RGL2: variants seen among roughly 807,000 people sequenced by gnomAD.
The protein encoded by RGL2 is ral guanine nucleotide dissociation stimulator-like 2.
A neutral mutation model predicts 84.6 loss-of-function variants in RGL2; 40 were observed. The ratio of observed to expected loss-of-function variants is 0.47; its 90% CI spans 0.37 to 0.62. The LOEUF is 0.62. Among genes scored for constraint, RGL2 ranks in the 20% least tolerant of loss-of-function variants. RGL2 has a pLI of 0.00. For missense variants in RGL2, 865 were observed against 1,019.7 expected (o/e 0.85, Z 2.07); for synonymous variants, 369 against 417.3 (o/e 0.88, Z 1.41).
chr6:33,292,743 G>A (rs1220317193), intron 16 of RGL2, among the ~76,000 whole-genome samples, 199 bp from the exon 17 acceptor site: 1 of 152,162 alleles, frequency 6.6e-6, no homozygotes, highest in African/African-American at 2.4e-5. Context: ...TTCCCTGTGG[G>A]GAAACTGCTG....
chr6:33,292,156 G>A lies in RGL2; in HGVS notation c.2280C>T (p.Gly760=), dbSNP rs765065404. ...CTGTGGCCTTGATCCTGGGAAAGGA[G>A]CCCCCTCCTCCCTCACTCGGAGGAG... ...SGTPPSEGGG[G]SFPRIKATGR... The change falls in exon 18 of 18, where the codon GGC becomes GGT. Residue 760 remains glycine, a synonymous_variant. Transcript: ENST00000497454. 9.9e-6 allele frequency: 16 copies of A among 1,614,072 alleles called. No homozygotes were observed. Among genetic ancestry groups the A allele is most frequent in the Non-Finnish European group, 1.3e-5 (15 of 1,180,052 alleles).
At chr6:33,300,980 A>AG (rs1345747179), upstream of RGL2, 1 of 152,164 alleles carries the variant, frequency 6.6e-6, no homozygotes, top group Non-Finnish European at 1.5e-5. Flanking sequence ...AAAAAAAAAA[A>AG]AAAGTTTTTT....
Position 33,294,553 on chromosome 6 carries a change from C to T in RGL2, c.1353+135G>A. 1 of 876,860 alleles carries T rather than the reference C, an allele frequency of 1.1e-6. No homozygotes were observed. Among genetic ancestry groups the T allele is most frequent in the Non-Finnish European group, 1.8e-6 (1 of 563,460 alleles). 54.3% of individuals were successfully genotyped at this position (876,860 alleles called of 1,614,324 possible). A position where few individuals can be genotyped will look rare whatever the true frequency, so the allele number is the denominator to read the frequency against. Reference sequence around the variant, plus strand: ...TTTACAGATCACTGAGGCGACTTGGCACAGAAACAGATCTGGCTCTGTCCC... The same window carrying T: ...TTTACAGATCACTGAGGCGACTTGGTACAGAAACAGATCTGGCTCTGTCCC... On this transcript the variant is annotated intron_variant, in intron 11 of 17. Transcript: ENST00000497454. This position sits in a 1 kb window ranked among gnomAD's most constrained non-coding sequence, Gnocchi z 5.0.
Position 33,296,100 on chromosome 6 carries a change from G to C in RGL2, c.696C>G (p.Pro232=). The C allele has an allele frequency of 2.5e-6, 4 of 1,614,054 alleles. No homozygotes were observed. Among genetic ancestry groups the C allele is most frequent in the Non-Finnish European group, 3.4e-6 (4 of 1,180,010 alleles). The part of the protein sequence containing the change: ...LPKPLALPGD[P]PADPTDVLVF... The stretch of plus-strand genomic sequence containing the variant: ...CCAGGACATCCGTGGGGTCAGCAGG[G>C]GGATCGCCGGGGAGGGCCAGGGGCT... The change falls in exon 6 of 18, where the codon CCC becomes CCG. Residue 232 remains proline, a synonymous_variant. Coordinates refer to ENST00000497454, the MANE Select transcript of RGL2 (RefSeq NM_004761.5). The surrounding 1 kb of genome is among the most constrained non-coding windows in gnomAD (Gnocchi z 5.0).
chr6:33,294,014 AG>A lies in RGL2; in HGVS notation c.1386+19del. On this transcript the variant is annotated intron_variant, in intron 12 of 17. Coordinates refer to ENST00000497454, the MANE Select transcript of RGL2 (RefSeq NM_004761.5). This position sits in a 1 kb window ranked among gnomAD's most constrained non-coding sequence, Gnocchi z 5.0. ...ACATGGATAGGGAAGTCCAGCATCC[AG>A]CCCAGACACTCCGCTCACCTTCCTC... The A allele has an allele frequency of 6.2e-7, 1 of 1,613,916 alleles. No homozygotes were observed. Among genetic ancestry groups the A allele is most frequent in the Non-Finnish European group, 8.5e-7 (1 of 1,179,986 alleles).
chr6:33,292,094 C>T lies in RGL2; in HGVS notation c.*8G>A. On this transcript the variant is annotated 3_prime_UTR_variant, in exon 18 of 18. Coordinates refer to ENST00000497454, the MANE Select transcript of RGL2 (RefSeq NM_004761.5). Reference sequence around the variant, plus strand: ...CCATGACTTCTGTAAGCCAACGGGGCTTCCTCCTCAGAACAGTGCCCGTGC... The same window carrying T: ...CCATGACTTCTGTAAGCCAACGGGGTTTCCTCCTCAGAACAGTGCCCGTGC... 3 of 1,614,094 alleles carry T rather than the reference C, an allele frequency of 1.9e-6. No individual in the cohort carries two copies. Among genetic ancestry groups the T allele is most frequent in the Non-Finnish European group, 1.7e-6 (2 of 1,179,994 alleles).
At chr6:33,299,694 T>C (rs1292630921), upstream of RGL2, 6 of 152,150 alleles carry the variant, frequency 3.9e-5, no homozygotes, top group Admixed American at 3.9e-4. The surrounding 1 kb of genome is among the most constrained non-coding windows in gnomAD (Gnocchi z 5.0). Context: ...GAGAGAACCG[T>C]TTGGAAGCAC....
chr6:33,296,150 C>T lies in RGL2; in HGVS notation c.646G>A (p.Asp216Asn), dbSNP rs770144701. The stretch of plus-strand genomic sequence containing the variant: ...TTAGGAAGGTCGGGGGCCTGGGGGT[C>T]CACCCGGGACCGGAGATTGCGGATG... ...DLIRNLRSRVDPQAPDLPKPL... is the reference protein window; with the variant it reads ...DLIRNLRSRVNPQAPDLPKPL... The change falls in exon 6 of 18, where the codon GAC becomes AAC. Residue 216 changes from aspartate to asparagine, a missense_variant. Physicochemically the swap from Asp to Asn is conservative, Grantham distance 23. Transcript: ENST00000497454. This position sits in a 1 kb window ranked among gnomAD's most constrained non-coding sequence, Gnocchi z 5.0. 8 of 1,613,894 alleles carry T rather than the reference C, an allele frequency of 5.0e-6. No individual in the cohort carries two copies. In the Admixed American group the frequency reaches 1.3e-4, roughly 27 times the overall value.
rs374487579 is a variant in RGL2, at chr6:33,292,062, A to G, written c.*40T>C. 15 of 1,604,400 alleles carry G rather than the reference A, an allele frequency of 9.3e-6. No individual in the cohort carries two copies. Among genetic ancestry groups the G allele is most frequent in the African/African-American group, 1.3e-5 (1 of 74,714 alleles). ...TTCAGGATGGCTACCCACATCTGGTATGAACACCATGACTTCTGTAAGCCA... is the reference window on the plus strand; with the variant it reads ...TTCAGGATGGCTACCCACATCTGGTGTGAACACCATGACTTCTGTAAGCCA... On this transcript the variant is annotated 3_prime_UTR_variant, in exon 18 of 18. Coordinates refer to ENST00000497454, the MANE Select transcript of RGL2 (RefSeq NM_004761.5).
In RGL2 at chr6:33,293,749, C is replaced by T. The variant is rs758995344; in HGVS notation, c.1508+46G>A. On this transcript the variant is annotated intron_variant, in intron 13 of 17. Transcript: ENST00000497454. This position sits in a 1 kb window ranked among gnomAD's most constrained non-coding sequence, Gnocchi z 7.0. ...AGCTCAGGACATGACACCAATCCCC[C>T]ACACCTGGCCAGAACCCTGGAGTCC... 10 of 1,613,090 alleles carry T rather than the reference C, an allele frequency of 6.2e-6. No individual in the cohort carries two copies. The highest frequency in any genetic ancestry group is 8.5e-6 in the Non-Finnish European group (10 of 1,179,336).
chr6:33,295,422 C>G lies in RGL2; in HGVS notation c.1021G>C (p.Glu341Gln). The G allele has an allele frequency of 1.9e-6, 3 of 1,612,772 alleles. No individual in the cohort carries two copies. Among genetic ancestry groups the G allele is most frequent in the Non-Finnish European group, 1.7e-6 (2 of 1,179,902 alleles). The change falls in exon 8 of 18, where the codon GAG (glutamate) becomes CAG (glutamine). Residue 341 changes from glutamate to glutamine, a missense_variant and splice_region_variant. Coordinates refer to ENST00000497454, the MANE Select transcript of RGL2 (RefSeq NM_004761.5). This position sits in a 1 kb window ranked among gnomAD's most constrained non-coding sequence, Gnocchi z 7.2. Reference sequence around the variant, plus strand: ...GAGAAGTTTCGGAGCAGCCGGCACTCCTGTGGGGGTCAAAGAAGAGAGCTA... The same window carrying G: ...GAGAAGTTTCGGAGCAGCCGGCACTGCTGTGGGGGTCAAAGAAGAGAGCTA... ...LLEKWIRVAEECRLLRNFSSV... is the reference protein window; with the variant it reads ...LLEKWIRVAEQCRLLRNFSSV...
rs768844179 is a variant in RGL2, at chr6:33,293,022, G to A, written c.2001C>T (p.Ser667=). Residue 667 remains serine, a synonymous_variant, in exon 16 of 18, where the codon AGC becomes AGT. Transcript: ENST00000497454. This position sits in a 1 kb window ranked among gnomAD's most constrained non-coding sequence, Gnocchi z 7.0. ...ELGEDGSVYK[S]ILVTSQDKAP... is the part of the protein sequence containing the mutation. ...CATCCCAAGGCTCCCTCACCAAAAT[G>A]CTCTTATAGACACTGCCATCTTCCC... 9.9e-6 allele frequency: 16 copies of A among 1,614,000 alleles called. No individual in the cohort carries two copies. In the East Asian group the frequency reaches 3.3e-4, roughly 34 times the overall value.
chr6:33,297,460 G>T lies in RGL2; in HGVS notation c.157-345C>A. ...GAAGCAGGGTACAAAGGGCAGGAGA[G>T]GGAAGCGAGAGGCAGCAAGCCAGAG... On this transcript the variant is annotated intron_variant, in intron 2 of 17. Coordinates refer to ENST00000497454, the MANE Select transcript of RGL2 (RefSeq NM_004761.5). The surrounding 1 kb of genome is among the most constrained non-coding windows in gnomAD (Gnocchi z 4.0). The T allele has an allele frequency of 3.4e-6, 1 of 291,286 alleles. No individual in the cohort carries two copies. The highest frequency in any genetic ancestry group is 5.9e-5 in the East Asian group (1 of 16,880). 18.0% of individuals were successfully genotyped at this position (291,286 alleles called of 1,614,324 possible).
Position 33,292,115 on chromosome 6 carries a change from C to T in RGL2, c.2321G>A (p.Arg774Gln), listed in dbSNP as rs144269682. The change falls in exon 18 of 18, where the codon CGG becomes CAG. Residue 774 changes from arginine (R) to glutamine (Q), a missense_variant. Arg to Gln is a conservative substitution (Grantham distance 43). Coordinates refer to ENST00000497454, the MANE Select transcript of RGL2 (RefSeq NM_004761.5). ...RIKATGRKIARALF is the reference protein window; with the variant it reads ...RIKATGRKIAQALF Reference sequence around the variant, plus strand: ...GGGGCTTCCTCCTCAGAACAGTGCCCGTGCAATCTTCCTCCCTGTGGCCTT... The same window carrying T: ...GGGGCTTCCTCCTCAGAACAGTGCCTGTGCAATCTTCCTCCCTGTGGCCTT... The T allele has an allele frequency of 2.8e-5, 45 of 1,614,036 alleles. No individual in the cohort carries two copies. The highest frequency in any genetic ancestry group is 3.6e-5 in the Non-Finnish European group (42 of 1,180,036).
At position 33,295,976 on chromosome 6, in the gene RGL2, G is replaced by C. The variant is rs1243919257; in HGVS notation, c.768+52C>G. 1.3e-6 allele frequency: 2 copies of C among 1,599,358 alleles called. No homozygotes were observed. Among genetic ancestry groups the C allele is most frequent in the East Asian group, 4.5e-5 (2 of 44,780 alleles). ...AGCAAGGAAAGGATCTGGAGTCAAG[G>C]AGAGGTTAGTAAGGGGTCAGGGGGC... On this transcript the variant is annotated intron_variant, in intron 6 of 17. Coordinates refer to ENST00000497454, the MANE Select transcript of RGL2 (RefSeq NM_004761.5). This position sits in a 1 kb window ranked among gnomAD's most constrained non-coding sequence, Gnocchi z 7.2.
chr6:33,295,484 C>T lies in RGL2; in HGVS notation c.1020+24G>A, dbSNP rs1248136261. On this transcript the variant is annotated intron_variant, in intron 7 of 17. Transcript: ENST00000497454. This position sits in a 1 kb window ranked among gnomAD's most constrained non-coding sequence, Gnocchi z 7.2. The stretch of plus-strand genomic sequence containing the variant: ...GGCCTCTCCATTCCATGGCCACAAA[C>T]CGTAGGGCAATCTTCTCTCTCACCT... 1.2e-6 allele frequency: 2 copies of T among 1,613,328 alleles called. No individual in the cohort carries two copies. The highest frequency in any genetic ancestry group is 2.2e-5 in the South Asian group (2 of 91,058).
At chr6:33,292,867 ATAAAAT>A (rs775441273) in intron 16 of RGL2, 143 bp downstream of exon 16, 31 of 1,005,788 alleles carry the variant, frequency 3.1e-5, no homozygotes, top group African/African-American at 8.1e-5. Flanking sequence ...AGTTTAGAAG[ATAAAAT>A]TAAAAATAAA....
At position 33,296,705 on chromosome 6, in the gene RGL2, T is replaced by G; in HGVS notation, c.312A>C (p.Leu104=). ...CAGTCCCTGATGTCCGGGTATCCAGTAGGTGTCTGACCAGGGCCTCCAGAG... is the reference window on the plus strand; with the variant it reads ...CAGTCCCTGATGTCCGGGTATCCAGGAGGTGTCTGACCAGGGCCTCCAGAG... ...AGTLEALVRH[L]LDTRTSGTDV... Residue 104 remains leucine, a synonymous_variant, in exon 4 of 18, where the codon CTA becomes CTC. Transcript: ENST00000497454. This position sits in a 1 kb window ranked among gnomAD's most constrained non-coding sequence, Gnocchi z 5.0. 6.2e-7 allele frequency: 1 copy of G among 1,613,920 alleles called. No individual in the cohort carries two copies. The highest frequency in any genetic ancestry group is 1.3e-5 in the African/African-American group (1 of 75,000).
Position 33,293,455 on chromosome 6 carries a change from C to T in RGL2, c.1674G>A (p.Glu558=). ...GCAGAGGAGCAGGAGTTGTAGGCGC[C>T]TCATCTCCCCCAGTACTGGGCCGGT... is the stretch of plus-strand genomic sequence containing the variant. ...SCDRPSTGGD[E]APTTPAPLLT... Residue 558 remains glutamate (E), a synonymous_variant, in exon 15 of 18, where the codon GAG becomes GAA. Coordinates refer to ENST00000497454, the MANE Select transcript of RGL2 (RefSeq NM_004761.5). The surrounding 1 kb of genome is among the most constrained non-coding windows in gnomAD (Gnocchi z 7.0). 1.9e-6 allele frequency: 3 copies of T among 1,614,088 alleles called. No individual in the cohort carries two copies. Among genetic ancestry groups the T allele is most frequent in the Non-Finnish European group, 1.7e-6 (2 of 1,179,978 alleles).
Sources: allele counts gnomAD v4.1 joint callset (sites outside exome capture counted in the v4.1 genomes callset), GRCh38; gene constraint gnomAD v4.1.1; non-coding constraint Gnocchi (gnomAD v3.1); transcripts MANE v1.5; gene names NCBI Gene and HGNC (gene_info 2026-07-23, HGNC 2026-07-21).